The following RBFOX1 variants were observed in gnomAD, a reference collection of about 807,000 sequenced individuals.
The protein encoded by RBFOX1 is RNA binding fox-1 homolog 1.
RBFOX1 carries 8 observed loss-of-function variants against 57.7 expected under a neutral mutation model. That is an observed-to-expected ratio of 0.14 (90% CI 0.08 to 0.25). RBFOX1 has a LOEUF of 0.25. RBFOX1 is among the 10% of genes least tolerant of loss of function. RBFOX1 has a pLI of 1.00. For missense variants in RBFOX1, 611 were observed against 548.5 expected, an observed-to-expected ratio of 1.11 and a Z score of -1.14; for synonymous variants, 326 against 222.4, an observed-to-expected ratio of 1.47 and a Z score of -4.15.
intron 4 of RBFOX1, among the ~76,000 whole-genome samples, chr16:7,099,146 A>G (rs2062211231): frequency 6.6e-6 from 1 of 151,882 alleles, no homozygotes; most frequent in Non-Finnish European, 1.5e-5. Flanking sequence ...GCTGTTTACT[A>G]AAAGTTAGTT....
intron 4 of RBFOX1, among the ~76,000 whole-genome samples, chr16:5,874,965 T>G (rs1180520922): frequency 6.6e-6 from 1 of 151,912 alleles, no homozygotes; most frequent in African/African-American, 2.4e-5. Flanking sequence ...AATGCATGAA[T>G]GAATGGATGG....
intron 3 of RBFOX1, among the ~76,000 whole-genome samples, chr16:6,667,687 C>T (rs1374862896): frequency 6.6e-6 from 1 of 151,936 alleles, no homozygotes; most frequent in Non-Finnish European, 1.5e-5. Flanking sequence ...TTGAGATGAG[C>T]CTAGGCAACA....
chr16:5,459,868 C>G (rs2068738542), intron 1 of RBFOX1, among the ~76,000 whole-genome samples: 1 of 152,122 alleles, frequency 6.6e-6, no homozygotes, highest in Non-Finnish European at 1.5e-5. Context: ...TCTCGAGTCT[C>G]TCTCCTTCTC....
intron 1 of RBFOX1, among the ~76,000 whole-genome samples, chr16:6,039,166 A>G (rs575223758): frequency 6.6e-6 from 1 of 151,992 alleles, no homozygotes; most frequent in African/African-American, 2.4e-5. Context: ...GATGCATGAG[A>G]GGGCATTTCC....
intron 4 of RBFOX1, among the ~76,000 whole-genome samples, chr16:5,989,880 A>ACC (rs1555464008): frequency 0.027 from 3,431 of 127,250 alleles, 88 homozygotes; most frequent in South Asian, 0.047. Flanking sequence ...ACACACACAC[A>ACC]CCACCCCTGT....
rs201332864 is a variant in RBFOX1, at chr16:6,341,494, C to T, written c.-64+24437C>T. Among the ~76,000 whole-genome samples, 5 of 152,146 alleles carry T rather than the reference C, an allele frequency of 3.3e-5. No homozygotes were observed. In the East Asian group the frequency reaches 9.7e-4, roughly 29 times the overall value. ...GATTAATAATGTTTACTAAACAGAC[C>T]CAGGCTCAGAATGTCCTGATATCCC... On this transcript the variant is annotated intron_variant, in intron 2 of 15. Coordinates refer to ENST00000550418, the MANE Select transcript of RBFOX1 (RefSeq NM_018723.4).
At chr16:5,556,619 C>T (rs996300826) in intron 2 of RBFOX1, among the ~76,000 whole-genome samples, 3 of 152,214 alleles carry the variant, frequency 2.0e-5, no homozygotes, top group Non-Finnish European at 2.9e-5. Context: ...AGGATGCCAA[C>T]CCTCTCCCTC....
chr16:5,631,973 C>T (rs561217027), intron 3 of RBFOX1, among the ~76,000 whole-genome samples: 2 of 152,284 alleles, frequency 1.3e-5, no homozygotes, highest in South Asian at 4.1e-4. Flanking sequence ...TAAGCCTCCA[C>T]CTGTTTGCTC....
intron 4 of RBFOX1, among the ~76,000 whole-genome samples, chr16:7,058,588 G>C (rs1339682509): frequency 6.6e-6 from 1 of 152,130 alleles, no homozygotes. Context: ...GTGTGTGTGT[G>C]TGCATGCGCA....
In RBFOX1 at chr16:5,893,922, C is replaced by T. The variant is rs148350234; in HGVS notation, c.351+26587C>T. Among the ~76,000 whole-genome samples, 651 of 152,136 alleles carry T rather than the reference C, an allele frequency of 4.3e-3. 3 individuals carry two copies. Among genetic ancestry groups the T allele is most frequent in the African/African-American group, 0.015 (631 of 41,500 alleles). On this transcript the variant is annotated intron_variant, in intron 4 of 19. Coordinates refer to the RBFOX1 transcript ENST00000641259. ...CTTAGAACAATTAAAAAAAAGATCA[C>T]CCACAGCCATGTCCGTCATTCTAAG... is the stretch of plus-strand genomic sequence containing the variant.
rs556729624 is a variant in RBFOX1, at chr16:5,976,412, A to G, written c.351+109077A>G. On this transcript the variant is annotated intron_variant, in intron 4 of 19. Coordinates refer to the RBFOX1 transcript ENST00000641259. The stretch of plus-strand genomic sequence containing the variant: ...AAGAGCGGAATAAACGCTAATTACC[A>G]AACTATTTGGCCTTAGAACCCCTTT... Among the ~76,000 whole-genome samples the G allele has an allele frequency of 2.0e-5, 3 of 152,288 alleles. No individual in the cohort carries two copies. In the East Asian group the frequency reaches 5.8e-4, roughly 29 times the overall value.
chr16:7,504,769 ATTTATATATATATATATT>A (rs2072537110), intron 4 of RBFOX1, among the ~76,000 whole-genome samples: 1 of 11,436 alleles, frequency 8.7e-5, no homozygotes, highest in African/African-American at 2.0e-4. Context: ...ATATATATAT[ATTTATATATATATATATT>A]TATATATATA....
At chr16:5,900,652 C>A (rs950184029) in intron 4 of RBFOX1, among the ~76,000 whole-genome samples, 1 of 152,166 alleles carries the variant, frequency 6.6e-6, no homozygotes. Context: ...CTGTCCTTTG[C>A]AGGAGCTAAT....
chr16:6,438,693 G>T (rs2094300881), intron 2 of RBFOX1, among the ~76,000 whole-genome samples: 1 of 152,130 alleles, frequency 6.6e-6, no homozygotes, highest in African/African-American at 2.4e-5. Flanking sequence ...AAGTCAAGAG[G>T]CAGATGTTCG....
intron 13 of RBFOX1, among the ~76,000 whole-genome samples, chr16:7,666,317 G>A (rs975768029): frequency 6.6e-6 from 1 of 151,816 alleles, no homozygotes; most frequent in African/African-American, 2.4e-5. Flanking sequence ...AAAGGGAATA[G>A]ACAAGGGATA....
intron 3 of RBFOX1, among the ~76,000 whole-genome samples, chr16:6,692,936 A>G (rs529281309): frequency 7.6e-4 from 114 of 150,244 alleles, no homozygotes; most frequent in African/African-American, 2.7e-3. Flanking sequence ...CACCACCATT[A>G]TTATCAACAT....
chr16:5,376,836 G>C (rs933293185), intron 1 of RBFOX1, among the ~76,000 whole-genome samples: 2 of 150,404 alleles, frequency 1.3e-5, no homozygotes, highest in African/African-American at 5.0e-5. Flanking sequence ...CTCAGCCAGT[G>C]ATGTTGCCCC....
At chr16:5,730,454 A>T (rs984349501) in intron 3 of RBFOX1, among the ~76,000 whole-genome samples, 3 of 152,136 alleles carry the variant, frequency 2.0e-5, no homozygotes, top group African/African-American at 7.2e-5. Flanking sequence ...CTGCGCACAC[A>T]CACTGGAGCT....
chr16:6,612,219 G>C (rs1394983541), intron 2 of RBFOX1, among the ~76,000 whole-genome samples: 1 of 152,076 alleles, frequency 6.6e-6, no homozygotes, highest in African/African-American at 2.4e-5. Flanking sequence ...GCTTTATAGA[G>C]AGTCCTAGTA....
Sources: gnomAD v4.1 joint callset for allele counts (sites outside exome capture counted in the v4.1 genomes callset) on GRCh38, gnomAD v4.1.1 for gene constraint, MANE v1.5 for transcripts, NCBI Gene and HGNC (gene_info 2026-07-23, HGNC 2026-07-21) for gene names.